HELQ: variants seen among roughly 807,000 people sequenced by gnomAD.
The protein encoded by HELQ is helicase POLQ-like.
In HELQ, 77 loss-of-function variants were observed where a neutral mutation model predicts 111.6. The ratio of observed to expected loss-of-function variants is 0.69; its 90% confidence interval spans 0.57 to 0.83. The LOEUF (loss-of-function observed/expected upper bound fraction) is 0.83, where lower values mean the gene tolerates loss of function less well. Among genes scored for constraint, HELQ ranks in the 40% least tolerant of loss-of-function variants. The pLI, the probability that HELQ is intolerant of heterozygous loss-of-function variation, is 0.00. For missense variants in HELQ, 1,200 were observed against 1,288.5 expected (o/e 0.93, Z 1.05); for synonymous variants, 438 against 454.7 (o/e 0.96, Z 0.47).
chr4:83,430,239 C>T (rs940153065), intron 11 of HELQ, among the ~76,000 whole-genome samples: 9 of 147,430 alleles, frequency 6.1e-5, no homozygotes, highest in African/African-American at 1.8e-4. Context: ...CAAACCTGCA[C>T]ATTGTGCACA....
chr4:83,433,517 T>A (rs1039477852), intron 9 of HELQ, among the ~76,000 whole-genome samples: 3 of 148,052 alleles, frequency 2.0e-5, no homozygotes, highest in African/African-American at 7.5e-5. Context: ...AATAAAAAAA[T>A]TAGCTGGTCG....
chr4:83,434,525 C>T (rs1025340242), intron 9 of HELQ, among the ~76,000 whole-genome samples: 1 of 151,824 alleles, frequency 6.6e-6, no homozygotes, highest in African/African-American at 2.4e-5. Context: ...TGCAGTGGTA[C>T]AATCATAGCT....
At chr4:83,440,513 T>G (rs1720705953) in intron 7 of HELQ, among the ~76,000 whole-genome samples, 1 of 152,184 alleles carries the variant, frequency 6.6e-6, no homozygotes, top group Admixed American at 6.5e-5. Flanking sequence ...GAAGAAAAAA[T>G]GTGAAGTTAT....
In HELQ at chr4:83,442,260, A is replaced by ATTTTTT. The variant is rs70949710; in HGVS notation, c.1564-863_1564-858dup. Among the ~76,000 whole-genome samples the ATTTTTT allele has an allele frequency of 9.9e-4, 81 of 82,056 alleles. 4 individuals carry two copies. The highest frequency in any genetic ancestry group is 3.0e-3 in the African/African-American group (59 of 19,742). 53.8% of individuals were successfully genotyped at this position (82,056 alleles called of 152,430 possible). A position where few individuals can be genotyped will look rare whatever the true frequency, so the allele number is the denominator to read the frequency against. On this transcript the variant is annotated intron_variant, in intron 6 of 17. Coordinates refer to ENST00000295488, the MANE Select transcript of HELQ (RefSeq NM_133636.5). ...ATCTGGTTCAAATGTAAAAACATCAATTTTTTTTTTTTTTTTTTTTTTTTT... is the reference window on the plus strand; with the variant it reads ...ATCTGGTTCAAATGTAAAAACATCAATTTTTTTTTTTTTTTTTTTTTTTTTTTTTTT...
At chr4:83,452,324 C>G (rs1303088517) in intron 2 of HELQ, among the ~76,000 whole-genome samples, 1 of 151,104 alleles carries the variant, frequency 6.6e-6, no homozygotes, top group African/African-American at 2.4e-5. Context: ...AATACTTTTT[C>G]CAAAGTGGCC....
Position 83,446,088 on chromosome 4 carries a change from T to G in HELQ, c.1393-2A>C. On this transcript the variant is annotated splice_acceptor_variant, in intron 4 of 17. Coordinates refer to ENST00000295488, the MANE Select transcript of HELQ (RefSeq NM_133636.5). LOFTEE classifies it high-confidence loss of function. ...GCTTCCTTCACCAATCATGTGCAAC[T>G]TCGAGATTTTTTTTAAAAAGGACAG... is the stretch of plus-strand genomic sequence containing the variant. 1 of 1,610,942 alleles carries G rather than the reference T, an allele frequency of 6.2e-7. No homozygotes were observed. The highest frequency in any genetic ancestry group is 8.5e-7 in the Non-Finnish European group (1 of 1,177,482).
rs1445701481 is a variant in HELQ at position 83,437,603 on chromosome 4, T to TACA, written c.1809-507_1809-506insTGT. ...CTGGGTGAAAGAGCAAAGCCTTGTC[T>TACA]AAAAAAAAAAAAAAAAAAAAGGAAA... On this transcript the variant is annotated intron_variant, in intron 8 of 17. Coordinates refer to ENST00000295488, the MANE Select transcript of HELQ (RefSeq NM_133636.5). Among the ~76,000 whole-genome samples, 11 of 97,884 alleles carry TACA rather than the reference T, an allele frequency of 1.1e-4. No homozygotes were observed. In the South Asian group the frequency reaches 1.9e-3, roughly 17 times the overall value. The allele number at this position is 97,884 out of a possible 152,430, so 64.2% of individuals were successfully genotyped here.
intron 8 of HELQ, among the ~76,000 whole-genome samples, chr4:83,437,729 C>G (rs545160890): frequency 4.3e-4 from 66 of 152,094 alleles, no homozygotes; most frequent in Admixed American, 9.2e-4. Context: ...TCCATGGACA[C>G]CAGGTTTAGA....
chr4:83,433,112 CAGTT>C (rs780909771), intron 9 of HELQ, among the ~76,000 whole-genome samples: 16 of 151,736 alleles, frequency 1.1e-4, no homozygotes, highest in East Asian at 3.9e-4. Context: ...AGTCTATAGT[CAGTT>C]AGTCAGCTTT....
chr4:83,445,745 T>G lies in HELQ; in HGVS notation c.1465+269A>C, dbSNP rs187469520. On this transcript the variant is annotated intron_variant, in intron 5 of 17. Coordinates refer to ENST00000295488, the MANE Select transcript of HELQ (RefSeq NM_133636.5). The stretch of plus-strand genomic sequence containing the variant: ...CAATCCCATCAGGCTGGTACCATTA[T>G]TATCCTTGTTTTACAGATAAAGAAA... Among the ~76,000 whole-genome samples the G allele has an allele frequency of 1.3e-3, 198 of 152,374 alleles. 1 individual carries two copies. Among genetic ancestry groups the G allele is most frequent in the African/African-American group, 4.5e-3 (188 of 41,590 alleles).
intron 7 of HELQ, 148 bp from the exon 8 acceptor site, chr4:83,440,156 A>C (rs1175106549): frequency 8.3e-6 from 5 of 601,668 alleles, no homozygotes; most frequent in Non-Finnish European, 8.5e-6. Flanking sequence ...GAAAAGATGA[A>C]ATCTATATTA....
At chr4:83,442,208 T>TA (rs1242280769) in intron 6 of HELQ, among the ~76,000 whole-genome samples, 54 of 150,550 alleles carry the variant, frequency 3.6e-4, no homozygotes, top group Non-Finnish European at 6.1e-4. Context: ...GCAATTAAGT[T>TA]AAAAAATATC....
chr4:83,434,187 A>G (rs996735442), intron 9 of HELQ, among the ~76,000 whole-genome samples: 16 of 151,868 alleles, frequency 1.1e-4, no homozygotes, highest in African/African-American at 3.6e-4. Context: ...CCTGGCCAAC[A>G]TGGCGAAACC....
At chr4:83,445,990 G>C (rs1336189756) in intron 5 of HELQ, 24 bp downstream of exon 5, 13 of 1,426,936 alleles carry the variant, frequency 9.1e-6, no homozygotes, top group Non-Finnish European at 1.1e-5. Flanking sequence ...ATCAATTCAT[G>C]ACCTCATTTG....
Position 83,432,144 on chromosome 4 carries a change from T to G in HELQ, c.2172A>C (p.Gln724His), listed in dbSNP as rs746775680. 6.3e-7 allele frequency: 1 copy of G among 1,580,200 alleles called. No homozygotes were observed. Among genetic ancestry groups the G allele is most frequent in the Non-Finnish European group, 8.6e-7 (1 of 1,165,922 alleles). The part of the protein sequence containing the change: ...DTIGESILIL[Q>H]EKDKQQVLEL... Reference sequence around the variant, plus strand: ...GTATTACCTGTTGTTTGTCTTTTTCTTGCAATATGAGGATACTCTCCCCAA... The same window carrying G: ...GTATTACCTGTTGTTTGTCTTTTTCGTGCAATATGAGGATACTCTCCCCAA... Residue 724 changes from glutamine to histidine, a missense_variant, in exon 10 of 18, where the codon CAA becomes CAC. By Grantham distance (24) the Gln-to-His change is conservative. This residue lies in a region of HELQ where 585 missense variants were observed against 665.3 expected (regional missense o/e 0.88). Transcript: ENST00000295488.
rs532557028 is a variant in HELQ at position 83,410,153 on chromosome 4, A to G, written c.3199-2593T>C. ...TATAGTCCCAGCCACTCAGGAGGCT[A>G]AGGTGGGATCACCTGAGCCTGGGAG... On this transcript the variant is annotated intron_variant, in intron 17 of 17. Coordinates refer to ENST00000295488, the MANE Select transcript of HELQ (RefSeq NM_133636.5). Among the ~76,000 whole-genome samples, 6 of 152,244 alleles carry G rather than the reference A, an allele frequency of 3.9e-5. No homozygotes were observed. In the South Asian group the frequency reaches 6.2e-4, roughly 16 times the overall value.
rs757502514 is a variant in HELQ at position 83,436,853 on chromosome 4, C to G, written c.2048+5G>C. The G allele has an allele frequency of 1.9e-6, 3 of 1,611,114 alleles. No individual in the cohort carries two copies. In the East Asian group the frequency reaches 6.7e-5, roughly 36 times the overall value. ...GAGCCTGGTCAACACTTACTTATCTCTTACCTTCGAGCTGGTAGGTTGACA... is the reference window on the plus strand; with the variant it reads ...GAGCCTGGTCAACACTTACTTATCTGTTACCTTCGAGCTGGTAGGTTGACA... On this transcript the variant is annotated splice_donor_5th_base_variant and intron_variant, in intron 9 of 17. Coordinates refer to ENST00000295488, the MANE Select transcript of HELQ (RefSeq NM_133636.5).
chr4:83,409,346 C>A (rs902236139), intron 17 of HELQ, among the ~76,000 whole-genome samples: 1 of 151,932 alleles, frequency 6.6e-6, no homozygotes, highest in African/African-American at 2.4e-5. Context: ...GTCAGGAGAT[C>A]GAGACCATCC....
chr4:83,437,763 G>GT (rs1202536621), intron 8 of HELQ, among the ~76,000 whole-genome samples: 2 of 151,806 alleles, frequency 1.3e-5, no homozygotes, highest in African/African-American at 2.4e-5. Context: ...TGTTATAACT[G>GT]TTTTTTTCTT....
Sources: gnomAD v4.1 joint callset for allele counts (sites outside exome capture counted in the v4.1 genomes callset) on GRCh38, gnomAD v4.1.1 for gene constraint, gnomAD v4.1.1 regional missense constraint, MANE v1.5 for transcripts, NCBI Gene and HGNC (gene_info 2026-07-23, HGNC 2026-07-21) for gene names.